PCDH15: variants seen among roughly 807,000 people sequenced by gnomAD.
PCDH15 encodes protocadherin-15.
Under a neutral mutation model 178.5 loss-of-function variants are expected in PCDH15, and 129 were observed. The observed-to-expected ratio is 0.72, with a 90% CI of 0.63 to 0.84. The LOEUF (loss-of-function observed/expected upper bound fraction) is 0.84, where lower values mean the gene tolerates loss of function less well. PCDH15 is among the 40% of genes least tolerant of loss of function. The pLI, the probability that PCDH15 is intolerant of heterozygous loss-of-function variation, is 0.00. For missense variants in PCDH15, 2,230 were observed against 2,099.9 expected (o/e 1.06, Z -1.21); for synonymous variants, 800 against 732.0 (o/e 1.09, Z -1.50).
intron 2 of PCDH15, among the ~76,000 whole-genome samples, chr10:55,349,352 G>T (rs1217850774): frequency 4.6e-5 from 7 of 152,072 alleles, no homozygotes; most frequent in African/African-American, 9.7e-5. Context: ...CTCAAGAAAA[G>T]AATAGTTTTC....
chr10:54,037,286 C>T (rs566006953), intron 18 of PCDH15, among the ~76,000 whole-genome samples: 2 of 152,028 alleles, frequency 1.3e-5, no homozygotes, highest in Non-Finnish European at 2.9e-5. Flanking sequence ...TGCTATCAAA[C>T]AGCATCACTA....
At chr10:54,549,573 T>C (rs568969185) in intron 2 of PCDH15, among the ~76,000 whole-genome samples, 1 of 152,028 alleles carries the variant, frequency 6.6e-6, no homozygotes, top group Admixed American at 6.6e-5. Context: ...GCCTAGTATA[T>C]GGCCCATTTT....
chr10:54,064,856 T>C (rs1451602582), intron 18 of PCDH15, among the ~76,000 whole-genome samples: 2 of 152,166 alleles, frequency 1.3e-5, no homozygotes, highest in Non-Finnish European at 2.9e-5. Flanking sequence ...CAGAGATGCC[T>C]AGGTCTGCAG....
chr10:54,952,916 A>G (rs904125319), intron 2 of PCDH15, among the ~76,000 whole-genome samples: 7 of 151,666 alleles, frequency 4.6e-5, no homozygotes. Context: ...CATTTTCTAC[A>G]TAGGCAATCA....
intron 2 of PCDH15, among the ~76,000 whole-genome samples, chr10:54,966,967 A>T (rs1457923550): frequency 6.6e-6 from 1 of 152,138 alleles, no homozygotes; most frequent in Non-Finnish European, 1.5e-5. Context: ...GTAAAAATTC[A>T]CTATGAAAGA....
intron 2 of PCDH15, among the ~76,000 whole-genome samples, chr10:55,608,164 C>T (rs1694386670): frequency 1.3e-5 from 2 of 151,460 alleles, no homozygotes; most frequent in Non-Finnish European, 2.9e-5. Flanking sequence ...AAAACAATTA[C>T]AAACTTCACA....
At chr10:54,676,954 C>G (rs1265091964) in intron 1 of PCDH15, among the ~76,000 whole-genome samples, 1 of 152,088 alleles carries the variant, frequency 6.6e-6, no homozygotes. Flanking sequence ...AAGATGAAAT[C>G]AGATATTACA....
intron 2 of PCDH15, among the ~76,000 whole-genome samples, chr10:55,609,871 T>A (rs545889051): frequency 2.0e-5 from 3 of 152,100 alleles, no homozygotes; most frequent in Non-Finnish European, 2.9e-5. Flanking sequence ...AAATATCTGA[T>A]CATATATTGT....
At chr10:54,503,477 G>T (rs1487324126) in intron 3 of PCDH15, among the ~76,000 whole-genome samples, 1 of 150,642 alleles carries the variant, frequency 6.6e-6, no homozygotes, top group African/African-American at 2.4e-5. Context: ...GTGGGATATT[G>T]CAGCCAGAAA....
intron 10 of PCDH15, among the ~76,000 whole-genome samples, chr10:54,204,818 C>A (rs899285859): frequency 4.6e-5 from 7 of 151,936 alleles, no homozygotes; most frequent in African/African-American, 1.7e-4. Context: ...AAAGATGGAC[C>A]CCAAAAGTAA....
intron 26 of PCDH15, among the ~76,000 whole-genome samples, chr10:53,886,983 T>A (rs947420473): frequency 2.6e-5 from 4 of 152,198 alleles, no homozygotes; most frequent in African/African-American, 9.6e-5. Flanking sequence ...CTTACGTTTT[T>A]GAAGGATTTA....
rs551207156 is a variant in PCDH15 at position 55,130,592 on chromosome 10, T to C, written c.-80+35984A>G. On this transcript the variant is annotated intron_variant, in intron 2 of 5. Transcript: ENST00000458638. ...CTTCTTGTAAGTCAATGTCTACTCA[T>C]AGGTAAGGTGGAAATAATTAAAGTA... 6.6e-5 allele frequency among the ~76,000 whole-genome samples: 10 copies of C among 152,104 alleles called. No homozygotes were observed. In the South Asian group the frequency reaches 2.1e-3, roughly 32 times the overall value.
intron 1 of PCDH15, among the ~76,000 whole-genome samples, chr10:54,719,529 A>C (rs116651859): frequency 6.6e-6 from 1 of 151,648 alleles, no homozygotes; most frequent in South Asian, 2.1e-4. Flanking sequence ...TTTAAATTTT[A>C]CTTTAAGTTC....
At chr10:54,131,371 CAATA>C (rs1334745964) in intron 15 of PCDH15, among the ~76,000 whole-genome samples, 2 of 152,032 alleles carry the variant, frequency 1.3e-5, no homozygotes, top group Non-Finnish European at 2.9e-5. Context: ...TTTCTTGCTT[CAATA>C]AATGAGTTCC....
At position 54,195,850 on chromosome 10, in the gene PCDH15, C is replaced by T. The variant is rs10825269; in HGVS notation, c.1138G>A (p.Gly380Ser). The T allele has an allele frequency of 0.15, 235,648 of 1,612,490 alleles. 22,139 individuals carry two copies. The highest frequency in any genetic ancestry group is 0.46 in the African/African-American group (34,609 of 74,814). The change falls in exon 11 of 38, where the codon GGT (glycine) becomes AGT (serine). Residue 380 changes from glycine to serine, a missense_variant. Physicochemically the swap from Gly to Ser is moderately conservative, Grantham distance 56 (BLOSUM62 0). Coordinates refer to ENST00000644397, the MANE Select transcript of PCDH15 (RefSeq NM_001384140.1). ...TCATCCAGTATTTCAATGTGTAGAC[C>T]GGCAAAGGCAGGAAGAGGATGACCA... ...DNGHPLPAFA[G>S]LHIEILDENN...
chr10:55,385,567 T>C (rs1837633782), intron 2 of PCDH15, among the ~76,000 whole-genome samples: 1 of 151,454 alleles, frequency 6.6e-6, no homozygotes, highest in Non-Finnish European at 1.5e-5. Context: ...AACCAGAATA[T>C]ATATGGCTCT....
chr10:54,409,975 A>G lies in PCDH15; in HGVS notation c.158-31033T>C, dbSNP rs546122575. ...ACCATAAGAAATATTTTTTTTCTTT[A>G]TTAATTACCCAGTCCACAGTATTCT... On this transcript the variant is annotated intron_variant, in intron 3 of 37. Transcript: ENST00000644397. Among the ~76,000 whole-genome samples, 20 of 152,170 alleles carry G rather than the reference A, an allele frequency of 1.3e-4. No individual in the cohort carries two copies. In the South Asian group the frequency reaches 4.1e-3, roughly 32 times the overall value.
intron 2 of PCDH15, among the ~76,000 whole-genome samples, chr10:55,576,731 T>TAAAA (rs57969658): frequency 6.7e-6 from 1 of 149,386 alleles, no homozygotes; most frequent in South Asian, 2.1e-4. Context: ...AACAGATATC[T>TAAAA]AAAAAAAAAA....
chr10:53,860,812 T>A (rs1179357079), intron 27 of PCDH15, among the ~76,000 whole-genome samples: 2 of 151,576 alleles, frequency 1.3e-5, no homozygotes, highest in African/African-American at 4.8e-5. Flanking sequence ...CTAGAATATA[T>A]CCATTTTAAG....
Sources: allele counts gnomAD v4.1 joint callset (sites outside exome capture counted in the v4.1 genomes callset), GRCh38; gene constraint gnomAD v4.1.1; transcripts MANE v1.5; gene names NCBI Gene and HGNC (gene_info 2026-07-23, HGNC 2026-07-21).